HACD4: variants seen among roughly 807,000 people sequenced by gnomAD.
HACD4 encodes very-long-chain (3R)-3-hydroxyacyl-CoA dehydratase 4.
In HACD4, 35 loss-of-function variants were observed where a neutral mutation model predicts 33.3. The ratio of observed to expected loss-of-function variants is 1.05; its 90% CI spans 0.80 to 1.39. The LOEUF (loss-of-function observed/expected upper bound fraction) is 1.39, where lower values mean the gene tolerates loss of function less well. Among genes scored for constraint, HACD4 ranks in the 40% most tolerant of loss-of-function variants. HACD4 has a pLI of 0.00. For missense variants in HACD4, 323 were observed against 276.5 expected, an observed-to-expected ratio of 1.17 and a Z score of -1.19; for synonymous variants, 118 against 98.0, an observed-to-expected ratio of 1.20 and a Z score of -1.21.
chr9:21,012,603 A>G (rs924096643), intron 4 of HACD4, among the ~76,000 whole-genome samples: 15 of 152,240 alleles, frequency 9.9e-5, no homozygotes, highest in African/African-American at 3.6e-4. Context: ...TTGCATTTGC[A>G]TATCTATGTG....
At position 21,026,667 on chromosome 9, in the gene HACD4, C is replaced by G; in HGVS notation, c.199G>C (p.Val67Leu). 1 of 1,612,750 alleles carries G rather than the reference C, an allele frequency of 6.2e-7. No homozygotes were observed. Among genetic ancestry groups the G allele is most frequent in the Middle Eastern group, 1.7e-4 (1 of 6,058 alleles). ...IGLVMRLCQSVSLLELLHIYV... is the reference protein window; with the variant it reads ...IGLVMRLCQSLSLLELLHIYV... ...ATGTGCAGCAGTTCCAGGAGAGATA[C>G]GGATTGGCAAAGTCGCATCACAAGT... is the stretch of plus-strand genomic sequence containing the variant. Residue 67 changes from valine to leucine, a missense_variant, in exon 3 of 7, where the codon GTA (valine) becomes CTA (leucine). By Grantham distance (32) the Val-to-Leu change is conservative. Transcript: ENST00000495827.
At position 21,003,920 on chromosome 9, in the gene HACD4, C is replaced by T. The variant is rs2132761007; in HGVS notation, c.*3117G>A. The stretch of plus-strand genomic sequence containing the variant: ...GTATATTTTTATACCTTTTATCTTC[C>T]TGTATGTGTGTGTCATTATTTTTAA... On this transcript the variant is annotated 3_prime_UTR_variant, in exon 7 of 7. Transcript: ENST00000495827. The T allele has an allele frequency of 6.6e-6, 1 of 152,086 alleles. No individual in the cohort carries two copies. The highest frequency in any genetic ancestry group is 6.5e-5 in the Admixed American group (1 of 15,278). 9.4% of individuals were successfully genotyped at this position (152,086 alleles called of 1,614,324 possible). A position where few individuals can be genotyped will look rare whatever the true frequency, so the allele number is the denominator to read the frequency against.
intron 1 of HACD4, 70 bp downstream of exon 1, chr9:21,031,483 A>T (rs1818220243): frequency 2.3e-5 from 32 of 1,387,492 alleles, no homozygotes; most frequent in Admixed American, 6.4e-5. Flanking sequence ...CGCCCGCCGC[A>T]GAGGGGAGCT....
chr9:21,011,994 A>C (rs1006716252), intron 4 of HACD4, among the ~76,000 whole-genome samples: 2 of 152,220 alleles, frequency 1.3e-5, no homozygotes, highest in African/African-American at 2.4e-5. Flanking sequence ...ATTTCATTAA[A>C]AAGCCAAGCT....
At chr9:21,031,138 A>G (rs1818204255) in intron 1 of HACD4, among the ~76,000 whole-genome samples, 2 of 152,002 alleles carry the variant, frequency 1.3e-5, no homozygotes, top group South Asian at 2.1e-4. Flanking sequence ...CCGCTATATG[A>G]CTGAATCTGT....
In HACD4 at chr9:21,006,778, G is replaced by T; in HGVS notation, c.*259C>A. On this transcript the variant is annotated 3_prime_UTR_variant, in exon 7 of 7. Transcript: ENST00000495827. The surrounding 1 kb of genome is among the most constrained non-coding windows in gnomAD (Gnocchi z 4.6). ...GGAAAATAATCAGACTTCATACAAT[G>T]TAAGTATAACTTGTATAAAATCCAA... The T allele has an allele frequency of 2.4e-6, 1 of 413,038 alleles. No individual in the cohort carries two copies. The highest frequency in any genetic ancestry group is 4.4e-6 in the Non-Finnish European group (1 of 227,788). 25.6% of individuals were successfully genotyped at this position (413,038 alleles called of 1,614,324 possible).
chr9:21,020,047 T>G (rs921006451), intron 3 of HACD4, among the ~76,000 whole-genome samples: 1 of 152,126 alleles, frequency 6.6e-6, no homozygotes, highest in Non-Finnish European at 1.5e-5. Context: ...AACAGATCCC[T>G]GCTTGCCCTG....
At chr9:21,025,797 A>G (rs1818046133) in intron 3 of HACD4, among the ~76,000 whole-genome samples, 2 of 152,242 alleles carry the variant, frequency 1.3e-5, no homozygotes, top group South Asian at 4.1e-4. Context: ...AAGAATAGTT[A>G]AGAAAATAGT....
rs570656173 is a variant in HACD4 at position 21,020,764 on chromosome 9, C to A, written c.271-4754G>T. 7.2e-5 allele frequency among the ~76,000 whole-genome samples: 11 copies of A among 151,976 alleles called. No homozygotes were observed. In the East Asian group the frequency reaches 1.5e-3, roughly 21 times the overall value. ...TATTTTCTTATATGATTTTTATTGTCGTGTAATTATTTCAAAAATTGGAAG... is the reference window on the plus strand; with the variant it reads ...TATTTTCTTATATGATTTTTATTGTAGTGTAATTATTTCAAAAATTGGAAG... On this transcript the variant is annotated intron_variant, in intron 3 of 6. Transcript: ENST00000495827.
intron 3 of HACD4, among the ~76,000 whole-genome samples, chr9:21,025,311 C>A (rs1818033201): frequency 6.6e-6 from 1 of 152,034 alleles, no homozygotes; most frequent in African/African-American, 2.4e-5. Context: ...TAGGATTATA[C>A]TATTTATATC....
intron 4 of HACD4, 79 bp from the exon 5 acceptor site, chr9:21,011,774 T>C (rs1018356915): frequency 1.4e-6 from 1 of 700,644 alleles, no homozygotes; most frequent in African/African-American, 1.8e-5. Flanking sequence ...TGTAATTAAA[T>C]ACAGAGATAC....
intron 5 of HACD4, among the ~76,000 whole-genome samples, chr9:21,011,093 T>C (rs1425925441): frequency 6.6e-6 from 1 of 152,130 alleles, no homozygotes; most frequent in Non-Finnish European, 1.5e-5. Flanking sequence ...TTCATGATAC[T>C]GTACCCAGGG....
chr9:21,031,570 G>A lies in HACD4; in HGVS notation c.21C>T (p.Pro7=). 2.1e-6 allele frequency: 3 copies of A among 1,452,944 alleles called. No homozygotes were observed. Among genetic ancestry groups the A allele is most frequent in the Non-Finnish European group, 2.7e-6 (3 of 1,108,852 alleles). 90.0% of individuals were successfully genotyped at this position (1,452,944 alleles called of 1,614,324 possible). A position where few individuals can be genotyped will look rare whatever the true frequency, so the allele number is the denominator to read the frequency against. The stretch of plus-strand genomic sequence containing the variant: ...CGCCCTACCTGGGCTGCAGCCAGGC[G>A]GGCAGCGCCAAGGGCCCCATGGGCC... The part of the protein sequence containing the change: MGPLAL[P]AWLQPRYRKN... Residue 7 remains proline (P), a synonymous_variant, in exon 1 of 7, where the codon CCC becomes CCT. Coordinates refer to ENST00000495827, the MANE Select transcript of HACD4 (RefSeq NM_001010915.5).
intron 3 of HACD4, among the ~76,000 whole-genome samples, chr9:21,023,187 G>A (rs938886646): frequency 7.1e-6 from 1 of 140,986 alleles, no homozygotes; most frequent in African/African-American, 2.6e-5. Context: ...TTGGACACAG[G>A]AAGGGGAATA....
chr9:21,020,256 T>C (rs1817873851), intron 3 of HACD4, among the ~76,000 whole-genome samples: 1 of 152,130 alleles, frequency 6.6e-6, no homozygotes, highest in African/African-American at 2.4e-5. Flanking sequence ...GGATGTATAA[T>C]TGAATCATTT....
chr9:21,028,140 AAAAAAAAAAAAG>A (rs1297315374), intron 2 of HACD4, among the ~76,000 whole-genome samples: 2 of 151,012 alleles, frequency 1.3e-5, no homozygotes, highest in Non-Finnish European at 3.0e-5. Context: ...CATCTCAAAA[AAAAAAAAAAAAG>A]AAAAAAGAAA....
intron 5 of HACD4, among the ~76,000 whole-genome samples, chr9:21,008,359 T>G (rs1439768052): frequency 6.6e-6 from 1 of 152,200 alleles, no homozygotes; most frequent in Non-Finnish European, 1.5e-5. Flanking sequence ...GTTGAATGTT[T>G]GTCCATGGTA....
At chr9:21,020,460 T>A (rs1423360249) in intron 3 of HACD4, among the ~76,000 whole-genome samples, 6 of 152,110 alleles carry the variant, frequency 3.9e-5, no homozygotes, top group Non-Finnish European at 7.4e-5. Context: ...CAGGCTTCTG[T>A]ACAAGCAAAC....
At chr9:21,028,135 CAAAAA>C (rs71334571) in intron 2 of HACD4, among the ~76,000 whole-genome samples, 43 of 93,446 alleles carry the variant, frequency 4.6e-4, no homozygotes, top group African/African-American at 1.5e-3. Flanking sequence ...AACTCCATCT[CAAAAA>C]AAAAAAAAAA....
Sources: gnomAD v4.1 joint callset for allele counts (sites outside exome capture counted in the v4.1 genomes callset) on GRCh38, gnomAD v4.1.1 for gene constraint, Gnocchi (gnomAD v3.1) non-coding constraint, MANE v1.5 for transcripts, NCBI Gene and HGNC (gene_info 2026-07-23, HGNC 2026-07-21) for gene names.